The following EZR variants were observed in gnomAD, a reference collection of about 807,000 sequenced individuals.
EZR encodes ezrin.
In EZR, 40 loss-of-function variants were observed where a neutral mutation model predicts 74.8. The observed-to-expected ratio is 0.53, with a 90% confidence interval of 0.42 to 0.70. EZR has a LOEUF of 0.70. EZR is among the 30% of genes least tolerant of loss of function. The probability of loss-of-function intolerance (pLI) is 0.00; values close to 1 mark genes in which losing one functional copy is unlikely to be tolerated. For missense variants in EZR, 678 were observed against 755.8 expected, an observed-to-expected ratio of 0.90 and a Z score of 1.21; for synonymous variants, 341 against 283.3, an observed-to-expected ratio of 1.20 and a Z score of -2.05.
Position 158,766,858 on chromosome 6 carries a change from C to T in EZR, c.*56G>A, listed in dbSNP as rs769395453. 3.3e-5 allele frequency: 50 copies of T among 1,531,996 alleles called. No homozygotes were observed. Among genetic ancestry groups the T allele is most frequent in the East Asian group, 4.5e-5 (2 of 44,054 alleles). The allele number at this position is 1,531,996 out of a possible 1,614,324, so 94.9% of individuals were successfully genotyped here. ...TGGAGCACTAAAGACACAAGCGTGG[C>T]GGGGCTGGCAGCGCCCGCTATGAGC... On this transcript the variant is annotated 3_prime_UTR_variant, in exon 14 of 14. Coordinates refer to ENST00000367075, the MANE Select transcript of EZR (RefSeq NM_001111077.2).
chr6:158,803,557 A>G (rs1353082067), intron 2 of EZR, among the ~76,000 whole-genome samples: 7 of 2,094 alleles, frequency 3.3e-3, no homozygotes, highest in Middle Eastern at 0.071. Context: ...ATATATATAT[A>G]TATATATATA....
chr6:158,781,773 A>T (rs1184298080), intron 7 of EZR, among the ~76,000 whole-genome samples: 3 of 151,152 alleles, frequency 2.0e-5, no homozygotes, highest in Admixed American at 6.6e-5. Flanking sequence ...CTTCTTTAAA[A>T]TTTTTTTTGA....
intron 2 of EZR, among the ~76,000 whole-genome samples, chr6:158,791,726 T>TTTTTTTTA (rs1791754014): frequency 6.8e-6 from 1 of 147,114 alleles, no homozygotes; most frequent in Admixed American, 6.9e-5. Context: ...TTTTTTTTTT[T>TTTTTTTTA]GAGACAGAGT....
chr6:158,770,697 G>GT (rs1161680878), intron 10 of EZR, 67 bp downstream of exon 10: 4 of 1,590,446 alleles, frequency 2.5e-6, no homozygotes, highest in Non-Finnish European at 2.6e-6. Context: ...GGGTGGGTGG[G>GT]TGTGGCCCCT....
intron 2 of EZR, among the ~76,000 whole-genome samples, chr6:158,794,066 C>G (rs1791810371): frequency 6.6e-6 from 1 of 152,180 alleles, no homozygotes; most frequent in Admixed American, 6.5e-5. Context: ...CACTAGAGGT[C>G]AGGCGTTCGA....
chr6:158,807,147 C>T (rs1777357628), intron 2 of EZR, among the ~76,000 whole-genome samples: 1 of 151,948 alleles, frequency 6.6e-6, no homozygotes, highest in Middle Eastern at 3.2e-3. Context: ...CCCGTCTCTA[C>T]TAAAAAATAC....
chr6:158,786,673 GA>G (rs1791591053), intron 4 of EZR, among the ~76,000 whole-genome samples: 3 of 151,138 alleles, frequency 2.0e-5, no homozygotes, highest in African/African-American at 7.3e-5. Flanking sequence ...AAAAAAAAAG[GA>G]TAATTTTCAG....
At position 158,785,300 on chromosome 6, in the gene EZR, T is replaced by C. The variant is rs1271476083; in HGVS notation, c.467+9A>G. 13 of 1,612,608 alleles carry C rather than the reference T, an allele frequency of 8.1e-6. No individual in the cohort carries two copies. Among genetic ancestry groups the C allele is most frequent in the Non-Finnish European group, 1.1e-5 (13 of 1,179,162 alleles). ...TGCTCCTGCCCAGGCCGGGTCATCC[T>C]GTGCTCACCTTTGAGGGATCAGCCG... On this transcript the variant is annotated intron_variant, in intron 5 of 13. Transcript: ENST00000367075.
intron 8 of EZR, among the ~76,000 whole-genome samples, chr6:158,774,814 C>T (rs537195976): frequency 9.8e-4 from 149 of 151,846 alleles, no homozygotes; most frequent in Admixed American, 3.5e-3. Context: ...TACGTAGTAG[C>T]CTACTGATGA....
chr6:158,790,728 A>G (rs950529467), intron 2 of EZR, among the ~76,000 whole-genome samples: 1 of 152,164 alleles, frequency 6.6e-6, no homozygotes, highest in Non-Finnish European at 1.5e-5. Flanking sequence ...ACCCACTTAC[A>G]TCAAGGCAGT....
chr6:158,788,145 T>C (rs890068740), intron 3 of EZR, among the ~76,000 whole-genome samples: 1 of 152,220 alleles, frequency 6.6e-6, no homozygotes, highest in East Asian at 1.9e-4. Context: ...CAAAGAGGGT[T>C]GAATACATTA....
intron 12 of EZR, among the ~76,000 whole-genome samples, chr6:158,768,529 G>C (rs535198879): frequency 1.3e-5 from 2 of 152,080 alleles, no homozygotes; most frequent in African/African-American, 4.8e-5. Context: ...AAGCCACAGT[G>C]GGGGAAGGAC....
chr6:158,806,486 T>C (rs1336969578), intron 2 of EZR, among the ~76,000 whole-genome samples: 1 of 151,868 alleles, frequency 6.6e-6, no homozygotes, highest in African/African-American at 2.4e-5. Flanking sequence ...TTCACTTTTT[T>C]TTTTTTTTGC....
intron 7 of EZR, among the ~76,000 whole-genome samples, chr6:158,782,070 CTTT>C (rs1791447629): frequency 6.6e-6 from 1 of 152,146 alleles, no homozygotes. Flanking sequence ...TTCCGTGCTT[CTTT>C]ACCAATGCTG....
chr6:158,793,551 T>G (rs1037187657), intron 2 of EZR, among the ~76,000 whole-genome samples: 7 of 152,324 alleles, frequency 4.6e-5, no homozygotes, highest in South Asian at 4.1e-4. Flanking sequence ...GTTACTTGAT[T>G]AGTCATTACC....
intron 5 of EZR, 119 bp downstream of exon 5, chr6:158,785,190 A>G: frequency 7.9e-7 from 1 of 1,267,208 alleles, no homozygotes; most frequent in Non-Finnish European, 1.1e-6. Context: ...ACTAGCATGA[A>G]GGAGCACTTG....
chr6:158,778,701 T>C (rs1326633069), intron 7 of EZR, among the ~76,000 whole-genome samples: 1 of 152,150 alleles, frequency 6.6e-6, no homozygotes, highest in Non-Finnish European at 1.5e-5. Flanking sequence ...ATGAACCTGG[T>C]GCATCTCGAG....
chr6:158,790,702 C>G (rs1247121112), intron 2 of EZR, among the ~76,000 whole-genome samples: 2 of 152,004 alleles, frequency 1.3e-5, no homozygotes, highest in African/African-American at 4.8e-5. Context: ...AAACCCACCA[C>G]CACAACAACA....
At chr6:158,792,129 A>G (rs1278682926) in intron 2 of EZR, among the ~76,000 whole-genome samples, 1 of 152,228 alleles carries the variant, frequency 6.6e-6, no homozygotes, top group African/African-American at 2.4e-5. Context: ...CAAACTGACT[A>G]GCAGGAATTT....
Sources: allele counts gnomAD v4.1 joint callset (sites outside exome capture counted in the v4.1 genomes callset), GRCh38; gene constraint gnomAD v4.1.1; transcripts MANE v1.5; gene names NCBI Gene and HGNC (gene_info 2026-07-23, HGNC 2026-07-21).